PCDHA5: variants seen among roughly 807,000 people sequenced by gnomAD.
The protein encoded by PCDHA5 is protocadherin alpha 5, also known as protocadherin alpha-5.
In PCDHA5, 43 loss-of-function variants were observed where a neutral mutation model predicts 61.6. The observed-to-expected ratio is 0.70, with a 90% CI of 0.55 to 0.90. The LOEUF is 0.90. PCDHA5 is among the 40% of genes least tolerant of loss of function. PCDHA5 has a pLI of 0.00. For missense variants in PCDHA5, 1,298 were observed against 1,222.7 expected (o/e 1.06, Z -0.92); for synonymous variants, 627 against 543.9 (o/e 1.15, Z -2.13).
intron 1 of PCDHA5, among the ~76,000 whole-genome samples, chr5:140,914,476 G>C (rs1054000684): frequency 6.6e-6 from 1 of 152,140 alleles, no homozygotes; most frequent in Non-Finnish European, 1.5e-5. Context: ...CTTCATAGGT[G>C]AAGTGTTTCT....
intron 1 of PCDHA5, chr5:140,850,152 G>T (rs2150469849): frequency 1.3e-6 from 2 of 1,595,546 alleles, no homozygotes; most frequent in Middle Eastern, 2.0e-4. Context: ...GACGCTGCAG[G>T]TGTTCGTGCT....
intron 3 of PCDHA5, among the ~76,000 whole-genome samples, chr5:141,002,289 G>A (rs1468757497): frequency 1.3e-5 from 2 of 152,204 alleles, no homozygotes; most frequent in East Asian, 3.8e-4. Flanking sequence ...GGATGAATGG[G>A]GAGCAAAGGG....
At chr5:140,876,418 T>G in intron 1 of PCDHA5, 1 of 1,613,982 alleles carries the variant, frequency 6.2e-7, no homozygotes, top group African/African-American at 1.3e-5. Context: ...GAATAATGCC[T>G]ATGAAATTCA....
chr5:140,913,398 AT>A (rs1172885484), intron 1 of PCDHA5, among the ~76,000 whole-genome samples: 5 of 152,132 alleles, frequency 3.3e-5, no homozygotes, highest in Non-Finnish European at 7.4e-5. Flanking sequence ...GCCACTAATG[AT>A]CCTTTGAATT....
At chr5:140,875,467 T>G in intron 1 of PCDHA5, 2 of 1,600,082 alleles carry the variant, frequency 1.2e-6, no homozygotes, top group Non-Finnish European at 1.7e-6. Flanking sequence ...GCCCTCATTT[T>G]CTGCAATGGT....
chr5:140,999,459 T>C (rs2097858774), intron 3 of PCDHA5, among the ~76,000 whole-genome samples: 1 of 152,138 alleles, frequency 6.6e-6, no homozygotes, highest in Non-Finnish European at 1.5e-5. Flanking sequence ...AACGAATAAG[T>C]GGTGAAGCAG....
At chr5:140,867,661 C>A (rs940517637) in intron 1 of PCDHA5, 30 of 152,196 alleles carry the variant, frequency 2.0e-4, no homozygotes, top group African/African-American at 6.7e-4. Flanking sequence ...AAATCACTTT[C>A]TACTCTAAAA....
intron 1 of PCDHA5, among the ~76,000 whole-genome samples, chr5:140,907,882 G>T (rs895415928): frequency 6.6e-6 from 1 of 152,168 alleles, no homozygotes; most frequent in Non-Finnish European, 1.5e-5. Context: ...GCACTCACAT[G>T]GGATACAAAT....
At position 141,010,305 on chromosome 5, in the gene PCDHA5, G is replaced by GT; in HGVS notation, c.*372dup. 1 of 1,548,478 alleles carries GT rather than the reference G, an allele frequency of 6.5e-7. No homozygotes were observed. Among genetic ancestry groups the GT allele is most frequent in the Non-Finnish European group, 8.7e-7 (1 of 1,146,036 alleles). On this transcript the variant is annotated 3_prime_UTR_variant, in exon 4 of 4. Transcript: ENST00000529859. ...TGACACTTGCAGGGCAGGCTGAAAAGTTTTGAGATTGAGCAGCTTGGGAGT... is the reference window on the plus strand; with the variant it reads ...TGACACTTGCAGGGCAGGCTGAAAAGTTTTTGAGATTGAGCAGCTTGGGAGT...
rs1554149884 is a variant in PCDHA5, at chr5:140,857,345, C to T, written c.2352+33218C>T. Reference sequence around the variant, plus strand: ...GACCGCGCGGGACGGGGGCTCGCCTCCGCTGTGGGCCACGGCCAGCGTGTC... The same window carrying T: ...GACCGCGCGGGACGGGGGCTCGCCTTCGCTGTGGGCCACGGCCAGCGTGTC... On this transcript the variant is annotated intron_variant, in intron 1 of 3. Coordinates refer to ENST00000529859, the MANE Select transcript of PCDHA5 (RefSeq NM_018908.3). The T allele has an allele frequency of 5.6e-6, 9 of 1,598,348 alleles. No homozygotes were observed. The Admixed American group carries it at 6.7e-5, about 12-fold the overall frequency.
intron 1 of PCDHA5, among the ~76,000 whole-genome samples, chr5:140,903,944 A>G (rs1554191212): frequency 6.6e-6 from 1 of 152,192 alleles, no homozygotes; most frequent in African/African-American, 2.4e-5. Context: ...CCTCTTAAAT[A>G]CTGGAAAATT....
rs976643195 is a variant in PCDHA5 at position 141,010,391 on chromosome 5, C to A, written c.*454C>A. On this transcript the variant is annotated 3_prime_UTR_variant, in exon 4 of 4. Transcript: ENST00000529859. ...TGCGAGTGCCAGATATTGGCTGAGACGAGCCAGCTTAGACTAATTGGTACA... is the reference window on the plus strand; with the variant it reads ...TGCGAGTGCCAGATATTGGCTGAGAAGAGCCAGCTTAGACTAATTGGTACA... The A allele has an allele frequency of 2.2e-6, 3 of 1,386,760 alleles. No homozygotes were observed. Among genetic ancestry groups the A allele is most frequent in the Non-Finnish European group, 2.9e-6 (3 of 1,041,298 alleles). The allele number at this position is 1,386,760 out of a possible 1,614,324, so 85.9% of individuals were successfully genotyped here.
At chr5:140,836,476 T>G (rs2150261790) in intron 1 of PCDHA5, 1 of 1,613,860 alleles carries the variant, frequency 6.2e-7, no homozygotes, top group South Asian at 1.1e-5. Context: ...GATGTCAACG[T>G]GTACCTGATC....
intron 1 of PCDHA5, among the ~76,000 whole-genome samples, chr5:140,894,634 T>C (rs1412183022): frequency 1.3e-5 from 2 of 151,970 alleles, no homozygotes; most frequent in Non-Finnish European, 2.9e-5. Flanking sequence ...TCCAATCATA[T>C]CATTACTGAG....
Position 140,851,117 on chromosome 5 carries a change from T to C in PCDHA5, c.2352+26990T>C, listed in dbSNP as rs932245132. 14 of 1,306,346 alleles carry C rather than the reference T, an allele frequency of 1.1e-5. No homozygotes were observed. The African/African-American group carries it at 2.0e-4, about 19-fold the overall frequency. 80.9% of individuals were successfully genotyped at this position (1,306,346 alleles called of 1,614,324 possible). On this transcript the variant is annotated intron_variant, in intron 1 of 3. Transcript: ENST00000529859. ...ATATTTTTTGGGTGCTGAATCAATT[T>C]TATTTAAATTTGTGATTAAAGTGAC... is the stretch of plus-strand genomic sequence containing the variant.
intron 1 of PCDHA5, among the ~76,000 whole-genome samples, chr5:140,964,199 A>G (rs1183847716): frequency 1.3e-5 from 2 of 152,240 alleles, no homozygotes; most frequent in Non-Finnish European, 2.9e-5. Flanking sequence ...AGAGTATACC[A>G]TCTCTTTAGT....
intron 1 of PCDHA5, chr5:140,871,673 C>A: frequency 8.7e-7 from 1 of 1,142,932 alleles, no homozygotes; most frequent in Non-Finnish European, 1.2e-6. Flanking sequence ...GTCTTTTAAT[C>A]ATATGAATAA....
chr5:140,986,736 A>C (rs1056820843), intron 3 of PCDHA5, among the ~76,000 whole-genome samples: 1 of 152,206 alleles, frequency 6.6e-6, no homozygotes, highest in South Asian at 2.1e-4. Context: ...TCAAGACCCC[A>C]GGGGATCTGG....
intron 1 of PCDHA5, chr5:140,883,741 C>T (rs2153397240): frequency 6.2e-7 from 1 of 1,613,386 alleles, no homozygotes; most frequent in Non-Finnish European, 8.5e-7. Context: ...CGCTGGTCTC[C>T]TACTCGCTGG....
Sources: gnomAD v4.1 joint callset for allele counts (sites outside exome capture counted in the v4.1 genomes callset) on GRCh38, gnomAD v4.1.1 for gene constraint, MANE v1.5 for transcripts, NCBI Gene and HGNC (gene_info 2026-07-23, HGNC 2026-07-21) for gene names.